Variants in RNF19A observed in about 807,000 individuals in gnomAD.
RNF19A encodes ring finger protein 19A, RBR E3 ubiquitin protein ligase.
In RNF19A, 32 loss-of-function variants were observed where a neutral mutation model predicts 75.7. The ratio of observed to expected loss-of-function variants is 0.42; its 90% CI spans 0.32 to 0.57. The LOEUF (loss-of-function observed/expected upper bound fraction) is 0.57, where lower values mean the gene tolerates loss of function less well. RNF19A is among the 20% of genes least tolerant of loss of function. RNF19A has a pLI of 0.10. For missense variants in RNF19A, 782 were observed against 1,036.3 expected (o/e 0.75, Z 3.37); for synonymous variants, 335 against 345.2 (o/e 0.97, Z 0.33).
At chr8:100,279,583 C>T (rs1033124148) in intron 2 of RNF19A, among the ~76,000 whole-genome samples, 9 of 151,986 alleles carry the variant, frequency 5.9e-5, no homozygotes, top group African/African-American at 1.9e-4. Flanking sequence ...GATGGAGTCT[C>T]ACTCTGTTGC....
intron 1 of RNF19A, among the ~76,000 whole-genome samples, chr8:100,295,926 T>A (rs1435606477): frequency 1.3e-5 from 2 of 152,334 alleles, no homozygotes; most frequent in East Asian, 1.9e-4. Flanking sequence ...AAATCACATT[T>A]AAATGTTATT....
At chr8:100,290,942 G>A (rs539088193) in intron 1 of RNF19A, among the ~76,000 whole-genome samples, 4 of 152,152 alleles carry the variant, frequency 2.6e-5, no homozygotes, top group Non-Finnish European at 5.9e-5. Flanking sequence ...CTCACACTGG[G>A]TAAATCCAAC....
chr8:100,266,564 G>A (rs1054405785), intron 5 of RNF19A, among the ~76,000 whole-genome samples: 1 of 152,120 alleles, frequency 6.6e-6, no homozygotes, highest in African/African-American at 2.4e-5. Flanking sequence ...AGACTAGAGT[G>A]CAGTGGCACG....
At chr8:100,296,064 G>C (rs891341162) in intron 1 of RNF19A, among the ~76,000 whole-genome samples, 2 of 152,098 alleles carry the variant, frequency 1.3e-5, no homozygotes, top group Non-Finnish European at 2.9e-5. Flanking sequence ...CGGATACCAA[G>C]CAGCAATGCA....
In RNF19A at chr8:100,258,400, T is replaced by G. The variant is rs1819548464; in HGVS notation, c.*156A>C. The G allele has an allele frequency of 1.7e-6, 1 of 598,062 alleles. No homozygotes were observed. The highest frequency in any genetic ancestry group is 2.9e-6 in the Non-Finnish European group (1 of 345,144). The allele number at this position is 598,062 out of a possible 1,614,324, so 37.0% of individuals were successfully genotyped here. A position where few individuals can be genotyped will look rare whatever the true frequency, so the allele number is the denominator to read the frequency against. ...CATAGTTTGGTAACTAAGATCCACA[T>G]GACACACAATGCCTTGCTGAACACA... On this transcript the variant is annotated 3_prime_UTR_variant, in exon 10 of 10. Coordinates refer to ENST00000341084, the MANE Select transcript of RNF19A (RefSeq NM_183419.4). This position sits in a 1 kb window ranked among gnomAD's most constrained non-coding sequence, Gnocchi z 4.3.
At chr8:100,321,453 A>AC (rs1563874797) in intron 1 of RNF19A, among the ~76,000 whole-genome samples, 1 of 152,276 alleles carries the variant, frequency 6.6e-6, no homozygotes, top group East Asian at 1.9e-4. Flanking sequence ...TCCACTTCCA[A>AC]TTCTAGTTCT....
intron 1 of RNF19A, among the ~76,000 whole-genome samples, chr8:100,295,677 C>T (rs555040134): frequency 6.6e-6 from 1 of 152,112 alleles, no homozygotes; most frequent in South Asian, 2.1e-4. Context: ...TAGCTGACTA[C>T]CAAAAAATAG....
chr8:100,271,517 G>C (rs1254226682), intron 3 of RNF19A, among the ~76,000 whole-genome samples: 3 of 152,108 alleles, frequency 2.0e-5, no homozygotes, highest in African/African-American at 7.2e-5. Context: ...AACAAGACAG[G>C]GGAGTAAAAA....
chr8:100,287,574 AT>A lies in RNF19A; in HGVS notation c.600del (p.Lys200AsnfsTer29). 6.2e-7 allele frequency: 1 copy of A among 1,614,084 alleles called. No homozygotes were observed. The highest frequency in any genetic ancestry group is 8.5e-7 in the Non-Finnish European group (1 of 1,179,996). ...LILSDDVLME[K>X]YEEFMLRRWL... ...CACCGTCTAAGCATAAATTCTTCGT[AT>A]TTTTCCATCAAGACATCATCACTTA... On this transcript the variant is annotated frameshift_variant, in exon 2 of 10. Coordinates refer to ENST00000341084, the MANE Select transcript of RNF19A (RefSeq NM_183419.4). LOFTEE classifies it high-confidence loss of function. This position sits in a 1 kb window ranked among gnomAD's most constrained non-coding sequence, Gnocchi z 4.1.
chr8:100,272,439 G>A (rs1212297234), intron 3 of RNF19A, among the ~76,000 whole-genome samples: 2 of 151,590 alleles, frequency 1.3e-5, no homozygotes, highest in Non-Finnish European at 2.9e-5. Flanking sequence ...TCATGATACA[G>A]AAAACAATAC....
chr8:100,268,188 T>C (rs1820079260), intron 5 of RNF19A, among the ~76,000 whole-genome samples: 1 of 152,100 alleles, frequency 6.6e-6, no homozygotes, highest in South Asian at 2.1e-4. Context: ...ACAGACTTCT[T>C]AGGACCTCAT....
chr8:100,312,272 T>A (rs1201981914), upstream of RNF19A: 3 of 152,238 alleles, frequency 2.0e-5, no homozygotes, highest in African/African-American at 7.2e-5. Context: ...TAAATCAGAA[T>A]CACTGAGGGT....
chr8:100,316,243 C>T (rs186569066), intron 1 of RNF19A, among the ~76,000 whole-genome samples: 4 of 152,028 alleles, frequency 2.6e-5, no homozygotes, highest in Non-Finnish European at 4.4e-5. Context: ...CAGACCTTCG[C>T]GGTGAGTGTT....
Position 100,259,820 on chromosome 8 carries a change from A to T in RNF19A, c.1826+34T>A, listed in dbSNP as rs1371172094. On this transcript the variant is annotated intron_variant, in intron 9 of 9. Coordinates refer to ENST00000341084, the MANE Select transcript of RNF19A (RefSeq NM_183419.4). This position sits in a 1 kb window ranked among gnomAD's most constrained non-coding sequence, Gnocchi z 4.5. ...TAGGAATTATTCCTTTAATTTAAAA[A>T]ATACTTTCAATTTTTTAACAGTTTT... 1 of 1,573,266 alleles carries T rather than the reference A, an allele frequency of 6.4e-7. No homozygotes were observed. The highest frequency in any genetic ancestry group is 8.7e-7 in the Non-Finnish European group (1 of 1,151,170).
rs1358296723 is a variant in RNF19A, at chr8:100,333,652, A to G, written c.-243+2456T>C. Among the ~76,000 whole-genome samples the G allele has an allele frequency of 6.6e-6, 1 of 152,198 alleles. No individual in the cohort carries two copies. Among genetic ancestry groups the G allele is most frequent in the African/African-American group, 2.4e-5 (1 of 41,450 alleles). Reference sequence around the variant, plus strand: ...GGCAACATAGCAAGAGCCCATCTCTAAAAATTTTTTTAAAACAATAGCTGG... The same window carrying G: ...GGCAACATAGCAAGAGCCCATCTCTGAAAATTTTTTTAAAACAATAGCTGG... On this transcript the variant is annotated intron_variant, in intron 1 of 3. Coordinates refer to the RNF19A transcript ENST00000519527. The surrounding 1 kb of genome is among the most constrained non-coding windows in gnomAD (Gnocchi z 4.7).
intron 1 of RNF19A, among the ~76,000 whole-genome samples, chr8:100,318,316 A>G (rs1186471655): frequency 6.6e-6 from 1 of 152,154 alleles, no homozygotes; most frequent in African/African-American, 2.4e-5. Flanking sequence ...TGTGTATAAG[A>G]TTTAAAAGGA....
At chr8:100,318,708 A>G (rs1822420465) in intron 1 of RNF19A, among the ~76,000 whole-genome samples, 1 of 152,220 alleles carries the variant, frequency 6.6e-6, no homozygotes, top group Non-Finnish European at 1.5e-5. Context: ...AAGCTGGAAC[A>G]CTCTTAGATA....
At chr8:100,277,791 T>C (rs1030651446) in intron 2 of RNF19A, among the ~76,000 whole-genome samples, 2 of 85,226 alleles carry the variant, frequency 2.3e-5, no homozygotes, top group Non-Finnish European at 5.1e-5. Flanking sequence ...AAGACCCTAT[T>C]TTTTTTAATC....
rs1319638893 is a variant in RNF19A, at chr8:100,314,978, T to C, written c.-242-1606A>G. On this transcript the variant is annotated intron_variant, in intron 1 of 3. Transcript: ENST00000519527. The surrounding 1 kb of genome is among the most constrained non-coding windows in gnomAD (Gnocchi z 4.1). ...TATGGTAAAGTATCGTCCCTCCCCT[T>C]GAGCAGCTTGTAAACTTGCCAGGGA... 6.6e-6 allele frequency among the ~76,000 whole-genome samples: 1 copy of C among 152,158 alleles called. No homozygotes were observed. Among genetic ancestry groups the C allele is most frequent in the Non-Finnish European group, 1.5e-5 (1 of 68,026 alleles).
Sources: allele counts gnomAD v4.1 joint callset (sites outside exome capture counted in the v4.1 genomes callset), GRCh38; gene constraint gnomAD v4.1.1; non-coding constraint Gnocchi (gnomAD v3.1); transcripts MANE v1.5; gene names NCBI Gene and HGNC (gene_info 2026-07-23, HGNC 2026-07-21).